The following EDIL3 variants were observed in gnomAD, a reference collection of about 807,000 sequenced individuals.
EDIL3 encodes the protein EGF-like repeat and discoidin I-like domain-containing protein 3.
A neutral mutation model predicts 67.4 loss-of-function variants in EDIL3; 37 were observed. That is an observed-to-expected ratio of 0.55 (90% CI 0.42 to 0.72). EDIL3 has a LOEUF of 0.72. Ranked by LOEUF, EDIL3 falls within the 30% of genes least tolerant of loss-of-function variation. EDIL3 has a pLI of 0.00. For missense variants in EDIL3, 527 were observed against 586.3 expected (o/e 0.90, Z 1.04); for synonymous variants, 195 against 196.3 (o/e 0.99, Z 0.05).
In EDIL3 at chr5:84,106,689, G is replaced by A. The variant is rs1747469740; in HGVS notation, c.611C>T (p.Ala204Val). Residue 204 changes from alanine (A) to valine (V), a missense_variant, in exon 6 of 11, where the codon GCG becomes GTG. By Grantham distance (64) the Ala-to-Val change is moderately conservative. This residue lies in a region of EDIL3 where 494 missense variants were observed against 522.5 expected (regional missense o/e 0.95). Transcript: ENST00000296591. Reference sequence around the variant, plus strand: ...TCTGTCATTTTCTGCAGCTGTCCACGCATTTATAAGCCCCTTCTTATTAAG... The same window carrying A: ...TCTGTCATTTTCTGCAGCTGTCCACACATTTATAAGCCCCTTCTTATTAAG... ...ARLNKKGLIN[A>V]WTAAENDRWP... 1.2e-6 allele frequency: 2 copies of A among 1,610,856 alleles called. No individual in the cohort carries two copies. The highest frequency in any genetic ancestry group is 1.7e-6 in the Non-Finnish European group (2 of 1,178,762).
At chr5:84,204,851 C>T (rs1743927437) in intron 3 of EDIL3, among the ~76,000 whole-genome samples, 1 of 147,356 alleles carries the variant, frequency 6.8e-6, no homozygotes, top group South Asian at 2.2e-4. Context: ...CGAAATGCTG[C>T]TTTTTTATAA....
chr5:84,283,921 A>C (rs1334242984), intron 1 of EDIL3, among the ~76,000 whole-genome samples: 1 of 152,126 alleles, frequency 6.6e-6, no homozygotes, highest in African/African-American at 2.4e-5. Flanking sequence ...ATCCAGCTGT[A>C]CAGGACCAGG....
chr5:83,974,122 T>C (rs1580260129), intron 9 of EDIL3, among the ~76,000 whole-genome samples: 2 of 152,084 alleles, frequency 1.3e-5, no homozygotes, highest in South Asian at 2.1e-4. Context: ...GCCTGAATTC[T>C]AGATTTTTTT....
intron 1 of EDIL3, among the ~76,000 whole-genome samples, chr5:84,360,106 C>T (rs768740937): frequency 4.6e-5 from 7 of 152,184 alleles, no homozygotes; most frequent in Non-Finnish European, 7.3e-5. Context: ...ACTACTACCA[C>T]ACTGAAACTA....
chr5:84,320,491 A>C (rs1293614574), intron 1 of EDIL3, among the ~76,000 whole-genome samples: 2 of 151,930 alleles, frequency 1.3e-5, no homozygotes, highest in African/African-American at 4.8e-5. Context: ...CAGCCCATCC[A>C]AGGAAAGGGA....
chr5:84,309,309 C>CTTTTTTTTTTTTTTT (rs1746333742), intron 1 of EDIL3, among the ~76,000 whole-genome samples: 1 of 100,794 alleles, frequency 9.9e-6, no homozygotes, highest in Non-Finnish European at 2.2e-5. Context: ...CTTTTTTTTT[C>CTTTTTTTTTTTTTTT]TTTGTTTTTT....
chr5:84,289,519 G>A (rs1435258799), intron 1 of EDIL3, among the ~76,000 whole-genome samples: 1 of 151,942 alleles, frequency 6.6e-6, no homozygotes, highest in East Asian at 1.9e-4. Context: ...CCTCCCTTAT[G>A]ACTCCTTCAG....
chr5:84,021,080 C>A (rs1190893719), intron 9 of EDIL3, among the ~76,000 whole-genome samples: 14 of 151,928 alleles, frequency 9.2e-5, no homozygotes. Flanking sequence ...TGTAATGTCT[C>A]CTTTTTTATT....
chr5:84,215,129 G>A (rs1254707031), intron 3 of EDIL3, among the ~76,000 whole-genome samples: 2 of 152,158 alleles, frequency 1.3e-5, no homozygotes, highest in Non-Finnish European at 2.9e-5. Context: ...CATCTACTAT[G>A]TATCAAACAC....
intron 9 of EDIL3, among the ~76,000 whole-genome samples, chr5:84,016,471 T>C (rs904353489): frequency 6.6e-6 from 1 of 152,166 alleles, no homozygotes. Flanking sequence ...CATCTAGTTT[T>C]CAACACAATA....
intron 6 of EDIL3, among the ~76,000 whole-genome samples, chr5:84,075,613 T>A (rs928903228): frequency 1.3e-5 from 2 of 152,084 alleles, no homozygotes; most frequent in African/African-American, 4.8e-5. Context: ...ATAGCTGGGA[T>A]TCCAGGCGTG....
chr5:84,359,736 GA>G (rs1747560080), intron 1 of EDIL3, among the ~76,000 whole-genome samples: 1 of 152,148 alleles, frequency 6.6e-6, no homozygotes, highest in Admixed American at 6.5e-5. Flanking sequence ...ACCAAAATCT[GA>G]AAAGTAGAAA....
chr5:84,337,570 T>C (rs1027296898), intron 1 of EDIL3, among the ~76,000 whole-genome samples: 10 of 152,178 alleles, frequency 6.6e-5, no homozygotes, highest in Non-Finnish European at 1.0e-4. Flanking sequence ...ACCCAGAGCA[T>C]GGCTCTAGAG....
chr5:84,057,395 TG>T (rs376683400), intron 9 of EDIL3, among the ~76,000 whole-genome samples: 1 of 74,406 alleles, frequency 1.3e-5, no homozygotes, highest in African/African-American at 5.4e-5. Context: ...GAGCTACTTA[TG>T]GGGTGTAAAA....
intron 1 of EDIL3, among the ~76,000 whole-genome samples, chr5:84,347,779 C>T (rs1747264814): frequency 6.6e-6 from 1 of 152,228 alleles, no homozygotes; most frequent in Admixed American, 6.5e-5. Context: ...CAGGAACTAT[C>T]ATAGTTTCTA....
intron 1 of EDIL3, among the ~76,000 whole-genome samples, chr5:84,342,354 T>C (rs1401815866): frequency 3.3e-5 from 5 of 151,948 alleles, no homozygotes; most frequent in Non-Finnish European, 7.4e-5. Flanking sequence ...GTTTTTGTAA[T>C]GACAAATACG....
chr5:84,294,453 T>C (rs575509365), intron 1 of EDIL3, among the ~76,000 whole-genome samples: 75 of 150,022 alleles, frequency 5.0e-4, no homozygotes, highest in African/African-American at 1.6e-3. Context: ...AAGTTTCAAC[T>C]AGCCAGATAT....
At chr5:84,207,312 T>C (rs529076830) in intron 3 of EDIL3, among the ~76,000 whole-genome samples, 26 of 152,172 alleles carry the variant, frequency 1.7e-4, no homozygotes, top group Admixed American at 5.2e-4. Flanking sequence ...TCAAAGAGAA[T>C]AAAATACTTA....
intron 3 of EDIL3, among the ~76,000 whole-genome samples, chr5:84,203,891 T>C (rs1352138761): frequency 1.3e-5 from 2 of 152,172 alleles, no homozygotes; most frequent in Non-Finnish European, 2.9e-5. Flanking sequence ...GTAGAAACAT[T>C]TTTTAAAAAA....
Sources: gnomAD v4.1 joint callset for allele counts (sites outside exome capture counted in the v4.1 genomes callset) on GRCh38, gnomAD v4.1.1 for gene constraint, gnomAD v4.1.1 regional missense constraint, MANE v1.5 for transcripts, NCBI Gene and HGNC (gene_info 2026-07-23, HGNC 2026-07-21) for gene names.